EGFLAM: variants seen among roughly 807,000 people sequenced by gnomAD.
EGFLAM encodes the protein pikachurin.
EGFLAM carries 79 observed loss-of-function variants against 113.1 expected under a neutral mutation model. That is an observed-to-expected ratio of 0.70 (90% CI 0.58 to 0.84). The LOEUF is 0.84. EGFLAM is among the 40% of genes least tolerant of loss of function. The pLI is 0.00. For synonymous variants in EGFLAM, 504 were observed against 487.6 expected (o/e 1.03, Z -0.44); for missense variants, 1,265 against 1,291.6 (o/e 0.98, Z 0.32).
At chr5:38,384,456 T>C (rs775138341) in intron 6 of EGFLAM, among the ~76,000 whole-genome samples, 1 of 152,164 alleles carries the variant, frequency 6.6e-6, no homozygotes, top group Non-Finnish European at 1.5e-5. Flanking sequence ...AGTGTGAGTG[T>C]TGCTCCCATG....
Position 38,406,133 on chromosome 5 carries a change from G to T in EGFLAM, c.720G>T (p.Glu240Asp), listed in dbSNP as rs777440156. The stretch of plus-strand genomic sequence containing the variant: ...CTGCTTTTCTTTGTGAAGGCCCTGA[G>T]GAGGCGGGAAGTGGCCGCTATGGAC... ...PSDIIRTLCP[E>D]EAGSGRYGPR... Residue 240 changes from glutamate (E) to aspartate (D), a missense_variant, in exon 7 of 22, where the codon GAG (glutamate) becomes GAT (aspartate). Physicochemically the swap from Glu to Asp is conservative, Grantham distance 45. Transcript: ENST00000322350. 1 of 1,614,094 alleles carries T rather than the reference G, an allele frequency of 6.2e-7. No homozygotes were observed. The highest frequency in any genetic ancestry group is 1.1e-5 in the South Asian group (1 of 91,084).
At chr5:38,338,803 G>A (rs765344541) in intron 3 of EGFLAM, 22 bp downstream of exon 3, 3 of 1,611,054 alleles carry the variant, frequency 1.9e-6, no homozygotes, top group Admixed American at 1.7e-5. Context: ...CATCCTGGCA[G>A]CCCACTCAAA....
At chr5:38,289,673 C>T (rs988052079) in intron 1 of EGFLAM, among the ~76,000 whole-genome samples, 6 of 152,194 alleles carry the variant, frequency 3.9e-5, no homozygotes, top group Non-Finnish European at 7.3e-5. Context: ...AACATGTAAA[C>T]CTCTCATGGG....
intron 1 of EGFLAM, among the ~76,000 whole-genome samples, chr5:38,333,749 TTGTC>T (rs2072354596): frequency 1.3e-5 from 2 of 152,088 alleles, no homozygotes; most frequent in African/African-American, 4.8e-5. Flanking sequence ...ACTCTGTAGG[TTGTC>T]TGTTTACTCT....
At chr5:38,459,784 G>A (rs973566139) in intron 20 of EGFLAM, among the ~76,000 whole-genome samples, 3 of 702 alleles carry the variant, frequency 4.3e-3, no homozygotes, top group Non-Finnish European at 7.5e-3. Flanking sequence ...TGGCTGCTGG[G>A]CCCCCAACCC....
rs543201288 is a variant in EGFLAM at position 38,359,436 on chromosome 5, A to C, written c.545+7105A>C. On this transcript the variant is annotated intron_variant, in intron 5 of 21. Coordinates refer to ENST00000322350, the MANE Select transcript of EGFLAM (RefSeq NM_152403.4). Reference sequence around the variant, plus strand: ...TCACGCCTGTAATCCTAGTAATCCCAGTCCCAAAGAGGCAGATAACTTGAG... The same window carrying C: ...TCACGCCTGTAATCCTAGTAATCCCCGTCCCAAAGAGGCAGATAACTTGAG... Among the ~76,000 whole-genome samples, 10 of 152,278 alleles carry C rather than the reference A, an allele frequency of 6.6e-5. No homozygotes were observed. The South Asian group carries it at 2.1e-3, about 32-fold the overall frequency.
chr5:38,258,656 C>A lies in EGFLAM; in HGVS notation c.-99C>A, dbSNP rs1344749134. ...CAGCCCCCCACCTCCTCGCCCCGGCCCGGGGATCCGTTGGGGCCGCGTCCC... is the reference window on the plus strand; with the variant it reads ...CAGCCCCCCACCTCCTCGCCCCGGCACGGGGATCCGTTGGGGCCGCGTCCC... On this transcript the variant is annotated 5_prime_UTR_variant, in exon 1 of 22. Coordinates refer to ENST00000322350, the MANE Select transcript of EGFLAM (RefSeq NM_152403.4). The A allele has an allele frequency of 6.5e-6, 9 of 1,385,404 alleles. No homozygotes were observed. The highest frequency in any genetic ancestry group is 1.9e-4 in the Middle Eastern group (1 of 5,184). The allele number at this position is 1,385,404 out of a possible 1,614,324, so 85.8% of individuals were successfully genotyped here. A position where few individuals can be genotyped will look rare whatever the true frequency, so the allele number is the denominator to read the frequency against.
intron 1 of EGFLAM, among the ~76,000 whole-genome samples, chr5:38,301,646 C>T (rs1180968913): frequency 6.6e-6 from 1 of 152,038 alleles, no homozygotes; most frequent in Non-Finnish European, 1.5e-5. Context: ...AGCATTATGA[C>T]ATCTTTCTGT....
intron 1 of EGFLAM, among the ~76,000 whole-genome samples, chr5:38,267,096 C>T (rs139131444): frequency 2.6e-4 from 40 of 152,304 alleles, no homozygotes; most frequent in African/African-American, 9.4e-4. Context: ...CCACACCGAG[C>T]AAGGATATAC....
chr5:38,393,727 T>A (rs1740876554), intron 6 of EGFLAM, among the ~76,000 whole-genome samples: 1 of 152,232 alleles, frequency 6.6e-6, no homozygotes, highest in African/African-American at 2.4e-5. Flanking sequence ...CACTCCTCTC[T>A]GGCGGAGCAG....
At chr5:38,280,766 C>G (rs770685346) in intron 1 of EGFLAM, among the ~76,000 whole-genome samples, 4 of 152,288 alleles carry the variant, frequency 2.6e-5, no homozygotes, top group Non-Finnish European at 4.4e-5. Context: ...TAGGTAAATT[C>G]CTCTTCCTGC....
chr5:38,436,520 C>T (rs1012401417), intron 16 of EGFLAM, among the ~76,000 whole-genome samples: 5 of 152,136 alleles, frequency 3.3e-5, no homozygotes, highest in Non-Finnish European at 5.9e-5. Context: ...GTCTGTGATA[C>T]CTCAGTTCAG....
At position 38,407,147 on chromosome 5, in the gene EGFLAM, G is replaced by T. The variant is rs750847869; in HGVS notation, c.1147+1G>T. 6.3e-7 allele frequency: 1 copy of T among 1,599,250 alleles called. No homozygotes were observed. Among genetic ancestry groups the T allele is most frequent in the African/African-American group, 1.6e-5 (1 of 64,128 alleles). On this transcript the variant is annotated splice_donor_variant, in intron 8 of 21. Transcript: ENST00000322350. LOFTEE classifies it high-confidence loss of function. ...AAAGGTGGTGAGAGCTGCTCAGAAG[G>T]TAGGCCCTTGGGGGAGAGGAAGAAG...
chr5:38,260,577 T>C (rs1028707692), intron 1 of EGFLAM, among the ~76,000 whole-genome samples: 7 of 152,206 alleles, frequency 4.6e-5, no homozygotes, highest in Admixed American at 3.3e-4. Flanking sequence ...GAAGCATAGA[T>C]AGGGTTTTGA....
intron 1 of EGFLAM, among the ~76,000 whole-genome samples, chr5:38,262,349 A>T (rs981932515): frequency 2.0e-5 from 3 of 152,230 alleles, no homozygotes; most frequent in African/African-American, 7.2e-5. Context: ...TATCATTTTA[A>T]AGTCAGATTT....
intron 1 of EGFLAM, among the ~76,000 whole-genome samples, chr5:38,329,149 T>A (rs1022857201): frequency 2.0e-5 from 3 of 151,898 alleles, no homozygotes; most frequent in Admixed American, 2.0e-4. Context: ...GTTAGCTAGA[T>A]GTGGTGGCAC....
intron 6 of EGFLAM, among the ~76,000 whole-genome samples, chr5:38,405,413 T>C (rs1413875537): frequency 6.6e-6 from 1 of 151,930 alleles, no homozygotes; most frequent in East Asian, 1.9e-4. Context: ...GCTGTTGTCT[T>C]TTATATTAAT....
intron 1 of EGFLAM, among the ~76,000 whole-genome samples, chr5:38,280,519 T>C (rs1757989093): frequency 6.6e-6 from 1 of 152,190 alleles, no homozygotes; most frequent in African/African-American, 2.4e-5. Flanking sequence ...TCCTCTCTCC[T>C]TTAGTACAGC....
At chr5:38,433,679 G>T (rs571391464) in intron 15 of EGFLAM, among the ~76,000 whole-genome samples, 1 of 152,290 alleles carries the variant, frequency 6.6e-6, no homozygotes, top group South Asian at 2.1e-4. Context: ...CCTTGACCCT[G>T]CATCCTTCCT....
Sources: allele counts gnomAD v4.1 joint callset (sites outside exome capture counted in the v4.1 genomes callset), GRCh38; gene constraint gnomAD v4.1.1; transcripts MANE v1.5; gene names NCBI Gene and HGNC (gene_info 2026-07-23, HGNC 2026-07-21).